PLEKHH1: variants seen among roughly 807,000 people sequenced by gnomAD.
The protein encoded by PLEKHH1 is pleckstrin homology, MyTH4 and FERM domain containing H1, also known as pleckstrin homology domain-containing family H member 1.
A neutral mutation model predicts 160.0 loss-of-function variants in PLEKHH1; 104 were observed. That is an observed-to-expected ratio of 0.65 (90% CI 0.55 to 0.76). PLEKHH1 has a LOEUF of 0.76. Ranked by LOEUF, PLEKHH1 falls within the 30% of genes least tolerant of loss-of-function variation. The pLI is 0.00. For synonymous variants in PLEKHH1, 619 were observed against 678.4 expected (o/e 0.91, Z 1.36); for missense variants, 1,427 against 1,724.1 (o/e 0.83, Z 3.05).
chr14:67,549,479 C>T (rs1048333658), intron 2 of PLEKHH1, among the ~76,000 whole-genome samples: 3 of 152,118 alleles, frequency 2.0e-5, no homozygotes, highest in Admixed American at 1.3e-4. Context: ...CCATGTTGGC[C>T]AGGCTGGTCT....
intron 1 of PLEKHH1, among the ~76,000 whole-genome samples, chr14:67,534,499 C>G (rs1451643274): frequency 6.6e-6 from 1 of 151,822 alleles, no homozygotes; most frequent in Admixed American, 6.6e-5. Flanking sequence ...ATGATCCTGT[C>G]TGTTAAAAAA....
Position 67,578,209 on chromosome 14 carries a change from C to T in PLEKHH1, c.2751+10C>T. Reference sequence around the variant, plus strand: ...GTACTCCCTCATGCAGGTAGGCATGCCAGGGGTGGAGCAGCTGACAGAAGC... The same window carrying T: ...GTACTCCCTCATGCAGGTAGGCATGTCAGGGGTGGAGCAGCTGACAGAAGC... On this transcript the variant is annotated intron_variant, in intron 19 of 28. Transcript: ENST00000329153. This position sits in a 1 kb window ranked among gnomAD's most constrained non-coding sequence, Gnocchi z 5.0. 1 of 1,610,278 alleles carries T rather than the reference C, an allele frequency of 6.2e-7. No homozygotes were observed.
intron 8 of PLEKHH1, among the ~76,000 whole-genome samples, chr14:67,569,467 C>A (rs1002297780): frequency 6.6e-6 from 1 of 152,252 alleles, no homozygotes; most frequent in African/African-American, 2.4e-5. Flanking sequence ...GAGGGGGCCT[C>A]CAGCCCAGCC....
rs1045567391 is a variant in PLEKHH1, at chr14:67,579,745, A to C, written c.3052A>C (p.Thr1018Pro). The change falls in exon 22 of 29, where the codon ACG (threonine) becomes CCG (proline). Residue 1018 changes from threonine (T) to proline (P), a missense_variant. Physicochemically the swap from Thr to Pro is conservative, Grantham distance 38 (BLOSUM62 -1). Transcript: ENST00000329153. ...YHVVGFDGSSTVDEFLQRLNQ... is the reference protein window; with the variant it reads ...YHVVGFDGSSPVDEFLQRLNQ... ...GGTGGTTGGTTTTGACGGCTCTTCC[A>C]CGGTTGATGAGTTCCTCCAGCGGCT... is the stretch of plus-strand genomic sequence containing the variant. The C allele has an allele frequency of 5.6e-6, 9 of 1,612,796 alleles. No homozygotes were observed. Among genetic ancestry groups the C allele is most frequent in the Middle Eastern group, 3.3e-4 (2 of 6,060 alleles).
intron 2 of PLEKHH1, among the ~76,000 whole-genome samples, chr14:67,547,512 TG>T (rs917033235): frequency 6.6e-6 from 1 of 152,194 alleles, no homozygotes; most frequent in African/African-American, 2.4e-5. Flanking sequence ...CTACACGCAC[TG>T]GGAGGAGCCA....
chr14:67,589,378 C>G lies in PLEKHH1; in HGVS notation c.*2143C>G, dbSNP rs1427592798. On this transcript the variant is annotated 3_prime_UTR_variant, in exon 29 of 29. Coordinates refer to ENST00000329153, the MANE Select transcript of PLEKHH1 (RefSeq NM_020715.3). ...ATGTCTGAAAACCAAAGTCCAATTT[C>G]TGTCTGGCCTTTTGTCTCATCCTTC... 1 of 984,450 alleles carries G rather than the reference C, an allele frequency of 1.0e-6. No homozygotes were observed. Among genetic ancestry groups the G allele is most frequent in the Non-Finnish European group, 1.2e-6 (1 of 829,190 alleles). 61.0% of individuals were successfully genotyped at this position (984,450 alleles called of 1,614,324 possible).
chr14:67,551,940 C>G (rs1457544969), intron 2 of PLEKHH1, among the ~76,000 whole-genome samples: 1 of 152,098 alleles, frequency 6.6e-6, no homozygotes, highest in Admixed American at 6.5e-5. Context: ...TGGTGTGGCT[C>G]TTGGCTCAGG....
At chr14:67,540,082 A>G (rs984402069) in intron 1 of PLEKHH1, among the ~76,000 whole-genome samples, 3 of 152,188 alleles carry the variant, frequency 2.0e-5, no homozygotes, top group Admixed American at 2.0e-4. Flanking sequence ...CTCCTGAGGA[A>G]GGAAAAGGGG....
intron 23 of PLEKHH1, 84 bp downstream of exon 23, chr14:67,581,122 ATC>A: frequency 2.4e-6 from 2 of 846,644 alleles, no homozygotes; most frequent in Non-Finnish European, 4.1e-6. Context: ...TAGACAGCCT[ATC>A]CAGACGGGGG....
At chr14:67,543,209 A>G in intron 2 of PLEKHH1, among the ~76,000 whole-genome samples, 1 of 152,244 alleles carries the variant, frequency 6.6e-6, no homozygotes, top group East Asian at 1.9e-4. Context: ...AGAATGTCAA[A>G]GTCTCAATTA....
rs369545508 is a variant in PLEKHH1 at position 67,573,847 on chromosome 14, G to A, written c.1886G>A (p.Arg629His). The change falls in exon 13 of 29, where the codon CGC (arginine) becomes CAC (histidine). Residue 629 changes from arginine to histidine, a missense_variant. Transcript: ENST00000329153. The surrounding 1 kb of genome is among the most constrained non-coding windows in gnomAD (Gnocchi z 4.8). ...KPQGQVDLNS[R>H]CQIVRGEGSQ... ...CAAGGCCAAGTGGATCTGAACTCCC[G>A]CTGCCAAATTGTTCGAGGGGAGGGT... 43 of 1,613,728 alleles carry A rather than the reference G, an allele frequency of 2.7e-5. No individual in the cohort carries two copies. In the African/African-American group the frequency reaches 2.8e-4, roughly 11 times the overall value.
chr14:67,578,318 GTGC>G lies in PLEKHH1; in HGVS notation c.2751+121_2751+123del, dbSNP rs2035724142. Reference sequence around the variant, plus strand: ...TGAGCCCAGCCAGCGGGCAGCCTCTGTGCTCCAAGCTGCATCAGTACGGCTGAG... The same window carrying G: ...TGAGCCCAGCCAGCGGGCAGCCTCTGTCCAAGCTGCATCAGTACGGCTGAG... On this transcript the variant is annotated intron_variant, in intron 19 of 28. Coordinates refer to ENST00000329153, the MANE Select transcript of PLEKHH1 (RefSeq NM_020715.3). This position sits in a 1 kb window ranked among gnomAD's most constrained non-coding sequence, Gnocchi z 5.0. The G allele has an allele frequency of 3.4e-6, 3 of 891,390 alleles. No individual in the cohort carries two copies. The highest frequency in any genetic ancestry group is 2.0e-5 in the Admixed American group (1 of 50,568). The allele number at this position is 891,390 out of a possible 1,614,324, so 55.2% of individuals were successfully genotyped here. A position where few individuals can be genotyped will look rare whatever the true frequency, so the allele number is the denominator to read the frequency against.
chr14:67,571,826 G>A lies in PLEKHH1; in HGVS notation c.1509G>A (p.Ala503=), dbSNP rs748365368. The A allele has an allele frequency of 2.6e-5, 42 of 1,613,956 alleles. 1 individual carries two copies. The East Asian group carries it at 8.2e-4, about 32-fold the overall frequency. Reference sequence around the variant, plus strand: ...CTGACGATGACTGCAGCTCTCAGGCGAGTTTCCGAATCTCGGTCCCCTCCT... The same window carrying A: ...CTGACGATGACTGCAGCTCTCAGGCAAGTTTCCGAATCTCGGTCCCCTCCT... ...SGSDDDCSSQ[A]SFRISVPSSE... is the part of the protein sequence containing the mutation. Residue 503 remains alanine, a synonymous_variant, in exon 10 of 29, where the codon GCG becomes GCA. Coordinates refer to ENST00000329153, the MANE Select transcript of PLEKHH1 (RefSeq NM_020715.3).
rs538476602 is a variant in PLEKHH1, at chr14:67,538,497, T to C, written c.-34-3337T>C. Among the ~76,000 whole-genome samples, 5 of 152,358 alleles carry C rather than the reference T, an allele frequency of 3.3e-5. No individual in the cohort carries two copies. In the South Asian group the frequency reaches 1.0e-3, roughly 32 times the overall value. ...GTAAGGTATTCATTTCTGCTCATCCTTGTGCATTTTTATGGGAGGTATAAG... is the reference window on the plus strand; with the variant it reads ...GTAAGGTATTCATTTCTGCTCATCCCTGTGCATTTTTATGGGAGGTATAAG... On this transcript the variant is annotated intron_variant, in intron 1 of 28. Transcript: ENST00000329153.
At chr14:67,560,081 T>C (rs1476451180) in intron 5 of PLEKHH1, among the ~76,000 whole-genome samples, 1 of 152,126 alleles carries the variant, frequency 6.6e-6, no homozygotes, top group Non-Finnish European at 1.5e-5. Flanking sequence ...GGCTGGAGTG[T>C]AGTGGCGCAA....
rs758353498 is a variant in PLEKHH1, at chr14:67,572,118, C to A, written c.1586-17C>A. On this transcript the variant is annotated splice_polypyrimidine_tract_variant and intron_variant, in intron 10 of 28. Coordinates refer to ENST00000329153, the MANE Select transcript of PLEKHH1 (RefSeq NM_020715.3). ...GAGGTGTGGGACCCGGGCCTTGACT[C>A]CTCCTCCCTCGGCAAGGCGTCTCCA... The A allele has an allele frequency of 4.4e-6, 7 of 1,600,910 alleles. No homozygotes were observed. The highest frequency in any genetic ancestry group is 1.7e-4 in the Middle Eastern group (1 of 6,052).
At chr14:67,556,107 G>A (rs2034582429) in intron 3 of PLEKHH1, among the ~76,000 whole-genome samples, 1 of 152,204 alleles carries the variant, frequency 6.6e-6, no homozygotes, top group South Asian at 2.1e-4. Flanking sequence ...CTATGCTGTG[G>A]TAACAAATTA....
At chr14:67,553,993 G>A (rs2140379509) in intron 2 of PLEKHH1, among the ~76,000 whole-genome samples, 1 of 152,276 alleles carries the variant, frequency 6.6e-6, no homozygotes, top group African/African-American at 2.4e-5. Context: ...GGAGCACCAG[G>A]GCATTTTTGT....
rs749314084 is a variant in PLEKHH1 at position 67,571,774 on chromosome 14, T to C, written c.1457T>C (p.Met486Thr). The stretch of plus-strand genomic sequence containing the variant: ...CAGAGAGCTACACAGATCAGCAACA[T>C]GCCCTTTATGGACGAGTCCTCTGGG... The part of the protein sequence containing the change: ...LKGRATQISN[M>T]PFMDESSGSD... Residue 486 changes from methionine to threonine, a missense_variant, in exon 10 of 29, where the codon ATG becomes ACG. Transcript: ENST00000329153. 5 of 1,613,814 alleles carry C rather than the reference T, an allele frequency of 3.1e-6. No individual in the cohort carries two copies. The African/African-American group carries it at 6.7e-5, about 22-fold the overall frequency.
Sources: allele counts gnomAD v4.1 joint callset (sites outside exome capture counted in the v4.1 genomes callset), GRCh38; gene constraint gnomAD v4.1.1; non-coding constraint Gnocchi (gnomAD v3.1); transcripts MANE v1.5; gene names NCBI Gene and HGNC (gene_info 2026-07-23, HGNC 2026-07-21).